The following PALM2AKAP2 variants were observed in gnomAD, a reference collection of about 807,000 sequenced individuals.
PALM2AKAP2 encodes the protein PALM2-AKAP2 fusion protein.
In PALM2AKAP2, 37 loss-of-function variants were observed where a neutral mutation model predicts 71.5. That is an observed-to-expected ratio of 0.52 (90% CI 0.40 to 0.68). The LOEUF (loss-of-function observed/expected upper bound fraction) is 0.68. Ranked by LOEUF, PALM2AKAP2 falls within the 30% of genes least tolerant of loss-of-function variation. The pLI is 0.00. For synonymous variants in PALM2AKAP2, 468 were observed against 478.8 expected, an observed-to-expected ratio of 0.98 and a Z score of 0.29; for missense variants, 1,224 against 1,191.8, an observed-to-expected ratio of 1.03 and a Z score of -0.40.
chr9:110,002,525 T>C (rs1832699875), intron 6 of PALM2AKAP2, among the ~76,000 whole-genome samples: 1 of 152,140 alleles, frequency 6.6e-6, no homozygotes, highest in African/African-American at 2.4e-5. Flanking sequence ...GGCTTTGGTA[T>C]CAGGATGATG....
intron 1 of PALM2AKAP2, among the ~76,000 whole-genome samples, chr9:110,134,742 G>T (rs537651340): frequency 1.3e-4 from 20 of 152,228 alleles, no homozygotes; most frequent in Non-Finnish European, 2.5e-4. Context: ...ATTTAAAATT[G>T]TTGAAACCTT....
intron 1 of PALM2AKAP2, among the ~76,000 whole-genome samples, chr9:109,768,411 T>C (rs978911995): frequency 6.6e-6 from 1 of 152,198 alleles, no homozygotes; most frequent in African/African-American, 2.4e-5. Context: ...ATGTATGGGA[T>C]TTATGTGATA....
chr9:110,079,311 C>T (rs527986030), intron 1 of PALM2AKAP2, among the ~76,000 whole-genome samples: 4 of 151,676 alleles, frequency 2.6e-5, no homozygotes, highest in South Asian at 4.2e-4. Context: ...GCCTGGCCAA[C>T]GTGGCGAAAC....
chr9:110,035,461 G>A (rs1833377040), intron 7 of PALM2AKAP2, among the ~76,000 whole-genome samples: 1 of 140,548 alleles, frequency 7.1e-6, no homozygotes, highest in South Asian at 2.2e-4. Flanking sequence ...ACAGATATAT[G>A]TATATATATG....
chr9:109,777,189 T>C (rs1290227138), upstream of PALM2AKAP2, among the ~76,000 whole-genome samples: 1 of 152,224 alleles, frequency 6.6e-6, no homozygotes, highest in African/African-American at 2.4e-5. Context: ...TGATGCAAAT[T>C]CACTTAACCT....
intron 1 of PALM2AKAP2, among the ~76,000 whole-genome samples, chr9:109,703,299 G>A (rs1030265898): frequency 6.6e-6 from 1 of 152,164 alleles, no homozygotes; most frequent in South Asian, 2.1e-4. Flanking sequence ...TTTATCTGAA[G>A]TGTGTAGTTT....
At chr9:110,151,379 A>C (rs915531235) in intron 2 of PALM2AKAP2, among the ~76,000 whole-genome samples, 2 of 152,136 alleles carry the variant, frequency 1.3e-5, no homozygotes, top group Non-Finnish European at 2.9e-5. Flanking sequence ...AATAGATTCT[A>C]TGAAGTGAGG....
At chr9:110,090,959 A>C (rs77627074) in intron 1 of PALM2AKAP2, among the ~76,000 whole-genome samples, 1 of 124,274 alleles carries the variant, frequency 8.0e-6, no homozygotes, top group Non-Finnish European at 1.8e-5. Flanking sequence ...AATCTAGCTC[A>C]ATTTTTTTTT....
intron 1 of PALM2AKAP2, among the ~76,000 whole-genome samples, chr9:110,091,516 G>A (rs1256162578): frequency 7.1e-6 from 1 of 141,390 alleles, no homozygotes; most frequent in African/African-American, 2.7e-5. Flanking sequence ...AGGCTGGGGT[G>A]CAGTAGCACG....
rs141914308 is a variant in PALM2AKAP2, at chr9:110,078,100, G to A, written c.156+29245G>A. 9.2e-5 allele frequency among the ~76,000 whole-genome samples: 14 copies of A among 152,162 alleles called. 1 individual carries two copies. The highest frequency in any genetic ancestry group is 3.1e-4 in the African/African-American group (13 of 41,494). On this transcript the variant is annotated intron_variant, in intron 1 of 3. Transcript: ENST00000374525. ...TATAACTACATTTCTCAACTTTGCT[G>A]CTCAAACTTGAAAACAGCCTTAGAC...
intron 1 of PALM2AKAP2, among the ~76,000 whole-genome samples, chr9:109,644,099 C>A (rs1827112928): frequency 6.6e-6 from 1 of 152,162 alleles, no homozygotes; most frequent in Non-Finnish European, 1.5e-5. Context: ...CCCCCAGGAC[C>A]AAAACACTTC....
chr9:109,672,838 T>C (rs1827594402), intron 1 of PALM2AKAP2, among the ~76,000 whole-genome samples: 1 of 151,946 alleles, frequency 6.6e-6, no homozygotes. Flanking sequence ...CTTAGGAGGG[T>C]ATATGTGTCC....
intron 3 of PALM2AKAP2, among the ~76,000 whole-genome samples, chr9:110,166,492 CA>C (rs1836736266): frequency 6.6e-6 from 1 of 152,172 alleles, no homozygotes; most frequent in Non-Finnish European, 1.5e-5. Context: ...TCCATGCTAC[CA>C]CACATTAGAC....
intron 6 of PALM2AKAP2, among the ~76,000 whole-genome samples, chr9:109,978,328 A>T (rs1297754075): frequency 2.0e-5 from 3 of 152,170 alleles, no homozygotes; most frequent in Non-Finnish European, 2.9e-5. Flanking sequence ...ATATTTTGAG[A>T]AAACCTGGGT....
intron 6 of PALM2AKAP2, among the ~76,000 whole-genome samples, chr9:109,996,835 C>T (rs912827187): frequency 1.3e-5 from 2 of 152,188 alleles, no homozygotes; most frequent in African/African-American, 2.4e-5. Context: ...GGTTGGCATG[C>T]GTACACACAA....
chr9:110,024,081 G>A (rs1833128884), intron 7 of PALM2AKAP2, among the ~76,000 whole-genome samples: 1 of 152,016 alleles, frequency 6.6e-6, no homozygotes, highest in African/African-American at 2.4e-5. Flanking sequence ...GCTCTAAATT[G>A]TAGTTCTTTT....
intron 1 of PALM2AKAP2, among the ~76,000 whole-genome samples, chr9:109,742,218 A>T (rs533412615): frequency 6.6e-6 from 1 of 151,668 alleles, no homozygotes; most frequent in East Asian, 1.9e-4. Context: ...ACATGTATGT[A>T]CTCACATGTA....
intron 1 of PALM2AKAP2, among the ~76,000 whole-genome samples, chr9:109,818,542 G>C (rs992401139): frequency 6.6e-6 from 1 of 152,038 alleles, no homozygotes; most frequent in Admixed American, 6.5e-5. Context: ...TTGATAAGAA[G>C]GTAAAAAACA....
chr9:109,826,886 T>A (rs564122013), intron 1 of PALM2AKAP2, among the ~76,000 whole-genome samples: 116 of 152,342 alleles, frequency 7.6e-4, no homozygotes, highest in Non-Finnish European at 1.4e-3. Context: ...TGCTTTCTAG[T>A]GCAGCAATTT....
Sources: gnomAD v4.1 joint callset for allele counts (sites outside exome capture counted in the v4.1 genomes callset) on GRCh38, gnomAD v4.1.1 for gene constraint, MANE v1.5 for transcripts, NCBI Gene and HGNC (gene_info 2026-07-23, HGNC 2026-07-21) for gene names.